CNTFR: variants seen among roughly 807,000 people sequenced by gnomAD.
CNTFR encodes the protein ciliary neurotrophic factor receptor.
CNTFR carries 12 observed loss-of-function variants against 40.4 expected under a neutral mutation model. The observed-to-expected ratio is 0.30, with a 90% CI of 0.19 to 0.48. The LOEUF (loss-of-function observed/expected upper bound fraction) is 0.48, where lower values mean the gene tolerates loss of function less well. Ranked by LOEUF, CNTFR falls within the 20% of genes least tolerant of loss-of-function variation. The probability of loss-of-function intolerance (pLI) is 0.99; values close to 1 mark genes in which losing one functional copy is unlikely to be tolerated. For missense variants in CNTFR, 414 were observed against 506.8 expected, an observed-to-expected ratio of 0.82 and a Z score of 1.76; for synonymous variants, 202 against 209.6, an observed-to-expected ratio of 0.96 and a Z score of 0.31.
intron 4 of CNTFR, among the ~76,000 whole-genome samples, chr9:34,562,717 G>A (rs1338173977): frequency 1.3e-5 from 2 of 152,186 alleles, no homozygotes; most frequent in Non-Finnish European, 2.9e-5. Context: ...TGAATCATTG[G>A]CTCAGGAGAA....
intron 1 of CNTFR, among the ~76,000 whole-genome samples, 173 bp from the exon 2 acceptor site, chr9:34,581,378 C>G (rs922006108): frequency 2.6e-5 from 4 of 152,188 alleles, no homozygotes; most frequent in Non-Finnish European, 5.9e-5. Flanking sequence ...CTCCCAGCAC[C>G]CCTTGCTGAC....
At chr9:34,566,172 T>C (rs1826281990) in intron 3 of CNTFR, among the ~76,000 whole-genome samples, 1 of 151,886 alleles carries the variant, frequency 6.6e-6, no homozygotes, top group Admixed American at 6.6e-5. Context: ...AGCCCCCTCC[T>C]CAGCCCTGCT....
At chr9:34,575,714 G>C (rs1301602745) in intron 2 of CNTFR, among the ~76,000 whole-genome samples, 1 of 143,280 alleles carries the variant, frequency 7.0e-6, no homozygotes, top group African/African-American at 2.6e-5. Flanking sequence ...CCGGGGGGTG[G>C]GGGCAGCAGT....
At chr9:34,554,866 C>T (rs1028461006) in intron 7 of CNTFR, among the ~76,000 whole-genome samples, 1 of 152,362 alleles carries the variant, frequency 6.6e-6, no homozygotes, top group Middle Eastern at 3.4e-3. Context: ...ATCTAACCAA[C>T]CCCAGTGCCA....
chr9:34,574,041 G>A (rs1356109953), intron 2 of CNTFR, among the ~76,000 whole-genome samples: 4 of 152,168 alleles, frequency 2.6e-5, no homozygotes, highest in Admixed American at 1.3e-4. Flanking sequence ...GAGGGGCTGA[G>A]GCTGGGAGGC....
intron 1 of CNTFR, among the ~76,000 whole-genome samples, chr9:34,586,932 C>T (rs1416556801): frequency 6.6e-6 from 1 of 152,356 alleles, no homozygotes; most frequent in Admixed American, 6.5e-5. Flanking sequence ...AAAGCATGGG[C>T]ATATCTGACC....
Position 34,551,747 on chromosome 9 carries a change from G to C in CNTFR, c.*324C>G, listed in dbSNP as rs1825630759. On this transcript the variant is annotated 3_prime_UTR_variant, in exon 10 of 10. Transcript: ENST00000378980. ...TGGGGCAGGAGGAGAAATCGGATGT[G>C]AGAGGCTCCCCTCACGTCCCCCAAG... is the stretch of plus-strand genomic sequence containing the variant. 3.7e-6 allele frequency: 2 copies of C among 546,590 alleles called. No individual in the cohort carries two copies. Among genetic ancestry groups the C allele is most frequent in the African/African-American group, 3.8e-5 (2 of 52,520 alleles). The allele number at this position is 546,590 out of a possible 1,614,324, so 33.9% of individuals were successfully genotyped here. A position where few individuals can be genotyped will look rare whatever the true frequency, so the allele number is the denominator to read the frequency against.
chr9:34,563,505 C>A (rs374546723), intron 4 of CNTFR, among the ~76,000 whole-genome samples: 28 of 152,376 alleles, frequency 1.8e-4, no homozygotes, highest in Middle Eastern at 3.4e-3. Flanking sequence ...ACTAACCTAA[C>A]TTCCTTTTTG....
chr9:34,580,565 G>A (rs1344033707), intron 2 of CNTFR, among the ~76,000 whole-genome samples: 1 of 152,168 alleles, frequency 6.6e-6, no homozygotes, highest in Non-Finnish European at 1.5e-5. Context: ...TGGACAATAG[G>A]CCCTTCCGTT....
intron 2 of CNTFR, among the ~76,000 whole-genome samples, chr9:34,577,999 C>T (rs1587164332): frequency 6.6e-6 from 1 of 151,606 alleles, no homozygotes; most frequent in South Asian, 2.1e-4. Flanking sequence ...GTCCTCCGGC[C>T]CTGTGGCCAC....
intron 1 of CNTFR, among the ~76,000 whole-genome samples, chr9:34,588,767 C>T (rs1052386546): frequency 6.6e-6 from 1 of 152,136 alleles, no homozygotes; most frequent in Non-Finnish European, 1.5e-5. Flanking sequence ...AGGAGAGGAG[C>T]CGAGAGGGAG....
Position 34,572,118 on chromosome 9 carries a change from G to A in CNTFR, c.1-3137C>T, listed in dbSNP as rs557272040. Among the ~76,000 whole-genome samples, 8 of 152,118 alleles carry A rather than the reference G, an allele frequency of 5.3e-5. No individual in the cohort carries two copies. In the South Asian group the frequency reaches 1.5e-3, roughly 28 times the overall value. On this transcript the variant is annotated intron_variant, in intron 2 of 9. Coordinates refer to ENST00000378980, the MANE Select transcript of CNTFR (RefSeq NM_147164.3). The stretch of plus-strand genomic sequence containing the variant: ...TGGAAGGATTCTTGCTGGGGATCTA[G>A]GACCCCAACCCCTAGGGTACAAGGG...
chr9:34,572,949 T>C (rs1006978214), intron 2 of CNTFR, among the ~76,000 whole-genome samples: 1 of 152,156 alleles, frequency 6.6e-6, no homozygotes, highest in African/African-American at 2.4e-5. Context: ...GACACAGCAA[T>C]GTTGATAGAC....
At chr9:34,575,687 CCA>C (rs1253934742) in intron 2 of CNTFR, among the ~76,000 whole-genome samples, 11 of 142,288 alleles carry the variant, frequency 7.7e-5, no homozygotes, top group Middle Eastern at 4.3e-3. Context: ...ACCCACCCAC[CCA>C]CACACACACA....
intron 2 of CNTFR, among the ~76,000 whole-genome samples, chr9:34,573,561 T>A (rs1246790618): frequency 6.6e-6 from 1 of 152,044 alleles, no homozygotes; most frequent in Non-Finnish European, 1.5e-5. Context: ...CTCCCCCCAT[T>A]GCCAGGCGTC....
intron 2 of CNTFR, among the ~76,000 whole-genome samples, chr9:34,577,627 C>A (rs893322223): frequency 1.3e-5 from 2 of 150,778 alleles, no homozygotes; most frequent in African/African-American, 4.8e-5. Flanking sequence ...GTCACCCCCA[C>A]ACGCTGGGCC....
rs370833574 is a variant in CNTFR at position 34,557,817 on chromosome 9, G to A, written c.437+50C>T. On this transcript the variant is annotated intron_variant, in intron 5 of 9. Coordinates refer to ENST00000378980, the MANE Select transcript of CNTFR (RefSeq NM_147164.3). The surrounding 1 kb of genome is among the most constrained non-coding windows in gnomAD (Gnocchi z 4.2). ...CAGAGGGCATGGTGGTGGGATGGGG[G>A]AGAGGTCAGAGGTCAGGGCTGGACC... 3.9e-6 allele frequency: 6 copies of A among 1,540,200 alleles called. No homozygotes were observed. In the African/African-American group the frequency reaches 6.8e-5, roughly 17 times the overall value.
rs781109774 is a variant in CNTFR at position 34,552,806 on chromosome 9, C to G, written c.817G>C (p.Gly273Arg). Residue 273 changes from glycine (G) to arginine (R), a missense_variant, in exon 8 of 10, where the codon GGG (glycine) becomes CGG (arginine). Gly to Arg is a moderately radical substitution (Grantham distance 125). Coordinates refer to ENST00000378980, the MANE Select transcript of CNTFR (RefSeq NM_147164.3). This position sits in a 1 kb window ranked among gnomAD's most constrained non-coding sequence, Gnocchi z 5.1. ...GCCACCTGGATAATGTACTCCTTCCCGGCGTAGGCATCTGTGATGGTGTGT... is the reference window on the plus strand; with the variant it reads ...GCCACCTGGATAATGTACTCCTTCCGGGCGTAGGCATCTGTGATGGTGTGT... ...TAHTITDAYAGKEYIIQVAAK... is the reference protein window; with the variant it reads ...TAHTITDAYARKEYIIQVAAK... 6.2e-7 allele frequency: 1 copy of G among 1,613,514 alleles called. No individual in the cohort carries two copies. The highest frequency in any genetic ancestry group is 2.2e-5 in the East Asian group (1 of 44,886).
chr9:34,551,927 C>T lies in CNTFR; in HGVS notation c.*144G>A, dbSNP rs767105362. ...GGCTGGGGGGCGGCAGGCCCGGGCC[C>T]GCCGGGGTCTCCACAAATTGTGTCT... is the stretch of plus-strand genomic sequence containing the variant. On this transcript the variant is annotated 3_prime_UTR_variant, in exon 10 of 10. Transcript: ENST00000378980. 6.9e-5 allele frequency: 50 copies of T among 720,602 alleles called. No homozygotes were observed. Among genetic ancestry groups the T allele is most frequent in the Non-Finnish European group, 1.0e-4 (41 of 392,856 alleles). The allele number at this position is 720,602 out of a possible 1,614,324, so 44.6% of individuals were successfully genotyped here. A position where few individuals can be genotyped will look rare whatever the true frequency, so the allele number is the denominator to read the frequency against.
Sources: allele counts gnomAD v4.1 joint callset (sites outside exome capture counted in the v4.1 genomes callset), GRCh38; gene constraint gnomAD v4.1.1; non-coding constraint Gnocchi (gnomAD v3.1); transcripts MANE v1.5; gene names NCBI Gene and HGNC (gene_info 2026-07-23, HGNC 2026-07-21).